Variants in FLVCR1 observed in about 807,000 individuals in gnomAD.
FLVCR1 encodes the protein FLVCR choline and heme transporter 1, also known as choline/ethanolamine transporter FLVCR1.
Under a neutral mutation model 53.6 loss-of-function variants are expected in FLVCR1, and 34 were observed. The ratio of observed to expected loss-of-function variants is 0.63; its 90% CI spans 0.48 to 0.84. FLVCR1 has a LOEUF of 0.84. Ranked by LOEUF, FLVCR1 falls within the 40% of genes least tolerant of loss-of-function variation. The pLI, the probability that FLVCR1 is intolerant of heterozygous loss-of-function variation, is 0.00. For missense variants in FLVCR1, 677 were observed against 696.7 expected (o/e 0.97, Z 0.32); for synonymous variants, 300 against 286.3 (o/e 1.05, Z -0.48).
intron 1 of FLVCR1, among the ~76,000 whole-genome samples, chr1:212,861,354 T>C (rs1442464510): frequency 6.6e-6 from 1 of 152,246 alleles, no homozygotes; most frequent in Non-Finnish European, 1.5e-5. Flanking sequence ...AGGAACTTTT[T>C]CTGAACCCCA....
intron 1 of FLVCR1, among the ~76,000 whole-genome samples, chr1:212,863,028 A>G (rs1260244286): frequency 6.6e-6 from 1 of 152,214 alleles, no homozygotes; most frequent in African/African-American, 2.4e-5. Flanking sequence ...GTTGAGCTGT[A>G]ATAGTTCTTT....
intron 3 of FLVCR1, among the ~76,000 whole-genome samples, chr1:212,881,747 A>G (rs1664936919): frequency 6.6e-6 from 1 of 152,236 alleles, no homozygotes; most frequent in African/African-American, 2.4e-5. Context: ...CTAGGAAGAC[A>G]TTATTGAAAA....
intron 5 of FLVCR1, among the ~76,000 whole-genome samples, chr1:212,885,892 T>C (rs1379167945): frequency 6.6e-6 from 1 of 151,992 alleles, no homozygotes; most frequent in African/African-American, 2.4e-5. Context: ...ATTTTATTGG[T>C]CACATTTATT....
chr1:212,885,522 G>T, intron 5 of FLVCR1, 126 bp downstream of exon 5: 1 of 611,664 alleles, frequency 1.6e-6, no homozygotes, highest in Non-Finnish European at 2.9e-6. Context: ...CTAAACACTA[G>T]TAGGTTCTCT....
intron 2 of FLVCR1, among the ~76,000 whole-genome samples, chr1:212,871,297 A>G (rs539792175): frequency 1.3e-5 from 2 of 152,312 alleles, no homozygotes; most frequent in African/African-American, 4.8e-5. Context: ...ATTGTAATTA[A>G]CAATTTTGAG....
chr1:212,884,899 G>A (rs1013912571), intron 4 of FLVCR1, among the ~76,000 whole-genome samples: 41 of 152,138 alleles, frequency 2.7e-4, no homozygotes, highest in African/African-American at 9.9e-4. Context: ...TCTAAACAGA[G>A]AAGGTAGAAT....
At chr1:212,861,077 T>C (rs1036348565) in intron 1 of FLVCR1, among the ~76,000 whole-genome samples, 4 of 152,188 alleles carry the variant, frequency 2.6e-5, no homozygotes, top group Non-Finnish European at 5.9e-5. Flanking sequence ...GTGGCTTCCA[T>C]TGTCCTTAGG....
intron 8 of FLVCR1, among the ~76,000 whole-genome samples, chr1:212,893,927 CACCACA>C (rs1381606208): frequency 6.6e-6 from 1 of 152,048 alleles, no homozygotes; most frequent in Admixed American, 6.6e-5. Context: ...AGATGCCCAC[CACCACA>C]ACCAGCTAAT....
At chr1:212,869,025 G>T (rs535096826) in intron 2 of FLVCR1, among the ~76,000 whole-genome samples, 1 of 152,254 alleles carries the variant, frequency 6.6e-6, no homozygotes, top group South Asian at 2.1e-4. Flanking sequence ...CCTAATATAT[G>T]TAATATATGC....
intron 1 of FLVCR1, among the ~76,000 whole-genome samples, chr1:212,860,772 A>G (rs1210501647): frequency 1.3e-5 from 2 of 152,166 alleles, no homozygotes; most frequent in East Asian, 3.8e-4. Flanking sequence ...ATTACTCTCC[A>G]TAAAACCATG....
At position 212,865,331 on chromosome 1, in the gene FLVCR1, C is replaced by T. The variant is rs11582647; in HGVS notation, c.883+1462C>T. On this transcript the variant is annotated intron_variant, in intron 2 of 9. Transcript: ENST00000366971. ...TGTGTGATGTTCCCCTTCCAGTGTC[C>T]ATGTGTTCTCATTGTTCAGTTCCCA... 6.1e-3 allele frequency among the ~76,000 whole-genome samples: 919 copies of T among 150,022 alleles called. 14 individuals are homozygous for T. The highest frequency in any genetic ancestry group is 0.01 in the Non-Finnish European group (690 of 67,540).
rs748530604 is a variant in FLVCR1 at position 212,895,025 on chromosome 1, T to C, written c.1565T>C (p.Ile522Thr). 3 of 1,597,854 alleles carry C rather than the reference T, an allele frequency of 1.9e-6. No individual in the cohort carries two copies. Among genetic ancestry groups the C allele is most frequent in the South Asian group, 1.1e-5 (1 of 90,742 alleles). The change falls in exon 9 of 10, where the codon ATA becomes ACA. Residue 522 changes from isoleucine (I) to threonine (T), a missense_variant. Transcript: ENST00000366971. ...KSDLRRHNIN[I>T]GITNVDVKAI... ...GATCTGCGAAGACACAACATAAATA[T>C]AGGAATTACAAATGTTGATGTTAAA...
At chr1:212,892,255 A>G (rs1665212825) in intron 8 of FLVCR1, among the ~76,000 whole-genome samples, 1 of 152,268 alleles carries the variant, frequency 6.6e-6, no homozygotes, top group South Asian at 2.1e-4. Context: ...TTATACTGGA[A>G]GAAGATGCCA....
At chr1:212,885,550 C>CTCTT in intron 5 of FLVCR1, 154 bp downstream of exon 5, 1 of 295,364 alleles carries the variant, frequency 3.4e-6, no homozygotes, top group Non-Finnish European at 6.1e-6. Flanking sequence ...ACAAGTGTTT[C>CTCTT]TTTTTTTTTT....
chr1:212,888,736 G>A (rs1007754079), intron 7 of FLVCR1, 142 bp downstream of exon 7: 25 of 681,748 alleles, frequency 3.7e-5, no homozygotes, highest in Non-Finnish European at 6.3e-5. Context: ...CCAAGCTGGA[G>A]TGCAGTAGTG....
chr1:212,859,015 C>T lies in FLVCR1; in HGVS notation c.563C>T (p.Ala188Val), dbSNP rs140233942. 3.7e-6 allele frequency: 6 copies of T among 1,612,272 alleles called. No homozygotes were observed. The African/African-American group carries it at 8.0e-5, about 22-fold the overall frequency. The change falls in exon 1 of 10, where the codon GCC becomes GTC. Residue 188 changes from alanine to valine, a missense_variant. Transcript: ENST00000366971. Reference protein sequence around the residue: ...LLGSGLNCLGAWIKCGSVQQH... With the variant: ...LLGSGLNCLGVWIKCGSVQQH... ...GGCTCCGGCCTCAACTGCCTGGGTG[C>T]CTGGATCAAGTGCGGCAGTGTGCAG...
Position 212,858,832 on chromosome 1 carries a change from A to G in FLVCR1, c.380A>G (p.Gln127Arg). Reference protein sequence around the residue: ...YSLVNAFQWIQYSIISNVFEG... With the variant: ...YSLVNAFQWIRYSIISNVFEG... ...CTGGTCAACGCCTTTCAGTGGATCC[A>G]GTACAGCATCATTAGCAACGTCTTC... Residue 127 changes from glutamine to arginine, a missense_variant, in exon 1 of 10, where the codon CAG becomes CGG. Gln to Arg is a conservative substitution (Grantham distance 43, BLOSUM62 1). Transcript: ENST00000366971. 3.7e-6 allele frequency: 6 copies of G among 1,614,192 alleles called. No homozygotes were observed. The highest frequency in any genetic ancestry group is 5.1e-6 in the Non-Finnish European group (6 of 1,180,014).
At chr1:212,889,413 C>T (rs1037842487) in intron 8 of FLVCR1, among the ~76,000 whole-genome samples, 156 bp downstream of exon 8, 2 of 152,226 alleles carry the variant, frequency 1.3e-5, no homozygotes, top group Admixed American at 6.5e-5. Context: ...TCTCTTACTT[C>T]ATTTTGCAGA....
Position 212,886,060 on chromosome 1 carries a change from T to TTTTTTTA in FLVCR1, c.1196+664_1196+665insTTTTTTA, listed in dbSNP as rs1665056929. ...TCTTGTTCTTTTTTTTTTTTTTTTT[T>TTTTTTTA]AGGTGGGGTCTCACTCTGTCACCCA... On this transcript the variant is annotated intron_variant, in intron 5 of 9. Transcript: ENST00000366971. 1.3e-5 allele frequency among the ~76,000 whole-genome samples: 2 copies of TTTTTTTA among 149,838 alleles called. 1 individual carries two copies. The highest frequency in any genetic ancestry group is 4.9e-5 in the African/African-American group (2 of 40,556).
Sources: allele counts gnomAD v4.1 joint callset (sites outside exome capture counted in the v4.1 genomes callset), GRCh38; gene constraint gnomAD v4.1.1; transcripts MANE v1.5; gene names NCBI Gene and HGNC (gene_info 2026-07-23, HGNC 2026-07-21).